SKAP1: variants seen among roughly 807,000 people sequenced by gnomAD.
SKAP1 encodes the protein src kinase-associated phosphoprotein 1.
A neutral mutation model predicts 58.5 loss-of-function variants in SKAP1; 44 were observed. The observed-to-expected ratio is 0.75, with a 90% CI of 0.59 to 0.97. SKAP1 has a LOEUF of 0.97. Ranked by LOEUF, SKAP1 falls within the 50% of genes least tolerant of loss-of-function variation. SKAP1 has a pLI of 0.00. For missense variants in SKAP1, 390 were observed against 435.2 expected (o/e 0.90, Z 0.92); for synonymous variants, 127 against 149.7 (o/e 0.85, Z 1.11).
chr17:48,231,356 G>A (rs924658579), intron 4 of SKAP1, among the ~76,000 whole-genome samples: 6 of 152,128 alleles, frequency 3.9e-5, no homozygotes, highest in Admixed American at 3.3e-4. Flanking sequence ...AGCTAATAAT[G>A]TGTAGGGATT....
intron 11 of SKAP1, among the ~76,000 whole-genome samples, chr17:48,158,905 G>A (rs1233261468): frequency 6.6e-6 from 1 of 151,570 alleles, no homozygotes; most frequent in Non-Finnish European, 1.5e-5. Flanking sequence ...AGCCTGCAGT[G>A]AGCCGAGATC....
intron 10 of SKAP1, among the ~76,000 whole-genome samples, chr17:48,169,266 T>G (rs1030404022): frequency 6.6e-6 from 1 of 152,200 alleles, no homozygotes; most frequent in African/African-American, 2.4e-5. Flanking sequence ...TGCTAAAAGA[T>G]CAATGCTTTC....
At chr17:48,267,312 C>A (rs1377489528) in intron 4 of SKAP1, among the ~76,000 whole-genome samples, 1 of 152,172 alleles carries the variant, frequency 6.6e-6, no homozygotes, top group East Asian at 1.9e-4. Context: ...TTAAACAATA[C>A]CTCAATTTTA....
chr17:48,147,964 G>A (rs2063852060), intron 11 of SKAP1, among the ~76,000 whole-genome samples: 1 of 135,272 alleles, frequency 7.4e-6, no homozygotes, highest in Admixed American at 7.6e-5. Flanking sequence ...GTCAGCAACA[G>A]CAGTTGGGAG....
chr17:48,310,002 A>G (rs547496919), intron 4 of SKAP1, among the ~76,000 whole-genome samples: 74 of 152,326 alleles, frequency 4.9e-4, no homozygotes, highest in African/African-American at 1.6e-3. Flanking sequence ...TTTTGCCTGC[A>G]CTTGCACAAA....
At chr17:48,347,131 C>T (rs2066733315) in intron 3 of SKAP1, among the ~76,000 whole-genome samples, 5 of 152,138 alleles carry the variant, frequency 3.3e-5, no homozygotes, top group Admixed American at 3.3e-4. Flanking sequence ...GAAGAAAAGG[C>T]TCTGTATTGC....
At position 48,170,592 on chromosome 17, in the gene SKAP1, T is replaced by C; in HGVS notation, c.877+17A>G. The C allele has an allele frequency of 6.2e-7, 1 of 1,610,958 alleles. No homozygotes were observed. Among genetic ancestry groups the C allele is most frequent in the Non-Finnish European group, 8.5e-7 (1 of 1,177,156 alleles). Reference sequence around the variant, plus strand: ...TAATGTCCTACCCAGTGCCTGTGCATTTAGAAGCTCTTATACCTCCTTTTC... The same window carrying C: ...TAATGTCCTACCCAGTGCCTGTGCACTTAGAAGCTCTTATACCTCCTTTTC... On this transcript the variant is annotated intron_variant, in intron 10 of 12. Coordinates refer to ENST00000336915, the MANE Select transcript of SKAP1 (RefSeq NM_003726.4).
At chr17:48,152,683 C>G (rs909324130) in intron 11 of SKAP1, among the ~76,000 whole-genome samples, 2 of 152,232 alleles carry the variant, frequency 1.3e-5, no homozygotes, top group South Asian at 4.1e-4. Context: ...GCAGCCTTCA[C>G]CGGTTAGTTT....
chr17:48,343,220 G>A (rs1423174333), intron 4 of SKAP1, among the ~76,000 whole-genome samples: 1 of 151,908 alleles, frequency 6.6e-6, no homozygotes, highest in African/African-American at 2.4e-5. Context: ...ACAAACATTT[G>A]TTTAAAAAAA....
chr17:48,180,329 G>T, intron 8 of SKAP1, 81 bp from the exon 9 acceptor site: 1 of 1,032,086 alleles, frequency 9.7e-7, no homozygotes, highest in Non-Finnish European at 1.4e-6. Flanking sequence ...AGAAGGAGGA[G>T]GAGGGATGAG....
intron 4 of SKAP1, among the ~76,000 whole-genome samples, chr17:48,262,164 T>C (rs1001424436): frequency 6.6e-6 from 1 of 152,048 alleles, no homozygotes; most frequent in African/African-American, 2.4e-5. Context: ...CATTGGAGGG[T>C]TGGAGAGAAT....
upstream of SKAP1, among the ~76,000 whole-genome samples, chr17:48,430,789 A>G (rs966735912): frequency 3.9e-5 from 6 of 152,260 alleles, no homozygotes; most frequent in Admixed American, 3.9e-4. Flanking sequence ...GTTCTCCCTC[A>G]GGATGGAAAG....
At chr17:48,239,400 T>C (rs558080145) in intron 4 of SKAP1, among the ~76,000 whole-genome samples, 180 of 152,278 alleles carry the variant, frequency 1.2e-3, no homozygotes, top group African/African-American at 4.0e-3. Flanking sequence ...TGTGCCCTCT[T>C]TATTATCACA....
intron 11 of SKAP1, among the ~76,000 whole-genome samples, chr17:48,160,123 T>G (rs145823628): frequency 2.6e-5 from 4 of 152,286 alleles, no homozygotes; most frequent in Non-Finnish European, 4.4e-5. Flanking sequence ...ATTTGCTTTC[T>G]TTTCTTCTTT....
chr17:48,246,520 G>C (rs2065298955), intron 4 of SKAP1, among the ~76,000 whole-genome samples: 1 of 152,066 alleles, frequency 6.6e-6, no homozygotes. Context: ...TATTTTTATA[G>C]TCATCCTTCA....
At chr17:48,431,605 A>G (rs1160633574), upstream of SKAP1, among the ~76,000 whole-genome samples, 1 of 152,238 alleles carries the variant, frequency 6.6e-6, no homozygotes. Flanking sequence ...TTGAGAGGGC[A>G]CTGGGGAGCC....
chr17:48,263,767 G>T lies in SKAP1; in HGVS notation c.281-74267C>A, dbSNP rs142202572. Among the ~76,000 whole-genome samples the T allele has an allele frequency of 1.8e-3, 276 of 152,262 alleles. 1 individual carries two copies. The highest frequency in any genetic ancestry group is 6.4e-3 in the African/African-American group (264 of 41,548). ...AGTCATCGAGTCAACAGCTTCAGGGGCTTTAGGAACAGGCTGAAATTATTT... is the reference window on the plus strand; with the variant it reads ...AGTCATCGAGTCAACAGCTTCAGGGTCTTTAGGAACAGGCTGAAATTATTT... On this transcript the variant is annotated intron_variant, in intron 4 of 12. Coordinates refer to ENST00000336915, the MANE Select transcript of SKAP1 (RefSeq NM_003726.4).
At chr17:48,393,441 C>A (rs1171648419) in intron 2 of SKAP1, among the ~76,000 whole-genome samples, 1 of 152,122 alleles carries the variant, frequency 6.6e-6, no homozygotes, top group Non-Finnish European at 1.5e-5. Flanking sequence ...AAAACATGAG[C>A]ACTTGGAGAA....
At chr17:48,217,941 C>T (rs991435865) in intron 4 of SKAP1, among the ~76,000 whole-genome samples, 2 of 152,184 alleles carry the variant, frequency 1.3e-5, no homozygotes, top group Non-Finnish European at 1.5e-5. Context: ...TTACATTTAT[C>T]AAGATGTTAG....
Sources: allele counts gnomAD v4.1 joint callset (sites outside exome capture counted in the v4.1 genomes callset), GRCh38; gene constraint gnomAD v4.1.1; transcripts MANE v1.5; gene names NCBI Gene and HGNC (gene_info 2026-07-23, HGNC 2026-07-21).